ATP10B: variants seen among roughly 807,000 people sequenced by gnomAD.
ATP10B encodes ATPase phospholipid transporting 10B (putative), also known as phospholipid-transporting ATPase VB.
In ATP10B, 122 loss-of-function variants were observed where a neutral mutation model predicts 141.2. That is an observed-to-expected ratio of 0.86 (90% CI 0.75 to 1.00). The LOEUF is 1.00. ATP10B is among the 50% of genes least tolerant of loss of function. The probability of loss-of-function intolerance (pLI) is 0.00; values close to 1 mark genes in which losing one functional copy is unlikely to be tolerated. For synonymous variants in ATP10B, 685 were observed against 692.0 expected (o/e 0.99, Z 0.16); for missense variants, 1,876 against 1,825.3 (o/e 1.03, Z -0.51).
At chr5:160,873,984 GC>G in the ATP10B span, among the ~76,000 whole-genome samples, 2 of 152,242 alleles carry the variant, frequency 1.3e-5, no homozygotes, top group Non-Finnish European at 2.9e-5. Flanking sequence ...GCCCAGGCTT[GC>G]TTAGGTAAAC....
the ATP10B span, among the ~76,000 whole-genome samples, chr5:160,889,469 C>T: frequency 1.3e-5 from 2 of 152,340 alleles, no homozygotes; most frequent in Admixed American, 1.3e-4. Context: ...GATCAGCTGA[C>T]TGTCCTGCTG....
At chr5:160,772,741 CCTA>C (rs1437888835) in intron 2 of ATP10B, among the ~76,000 whole-genome samples, 1 of 152,188 alleles carries the variant, frequency 6.6e-6, no homozygotes, top group Non-Finnish European at 1.5e-5. Flanking sequence ...CTGCCCATTT[CCTA>C]CTGATCCATG....
chr5:160,704,976 TG>T (rs1268822309), intron 3 of ATP10B, among the ~76,000 whole-genome samples: 2 of 136,914 alleles, frequency 1.5e-5, no homozygotes, highest in Non-Finnish European at 3.0e-5. Flanking sequence ...TGGAGTGCAG[TG>T]GCATGATCTC....
At chr5:160,660,268 G>T (rs952527655) in intron 7 of ATP10B, among the ~76,000 whole-genome samples, 1 of 152,128 alleles carries the variant, frequency 6.6e-6, no homozygotes, top group Non-Finnish European at 1.5e-5. Context: ...TGTACTTATT[G>T]TGGTTTCTAT....
the ATP10B span, among the ~76,000 whole-genome samples, chr5:160,858,599 C>CAT: frequency 6.6e-6 from 1 of 151,874 alleles, no homozygotes; most frequent in African/African-American, 2.4e-5. Flanking sequence ...TAATCACTTG[C>CAT]ATATAATGTG....
At chr5:160,814,185 G>A (rs996493645) in intron 1 of ATP10B, among the ~76,000 whole-genome samples, 5 of 152,168 alleles carry the variant, frequency 3.3e-5, no homozygotes, top group South Asian at 2.1e-4. Context: ...AAACTACTCC[G>A]AGCTAAAGGA....
rs1763910785 is a variant in ATP10B, at chr5:160,688,769, G to GA, written c.-31dup. ...TTTTCCAGAAACTCACCTGTGGCCGGAACCTCAAAGGAGAGTGATAAGTAG... is the reference window on the plus strand; with the variant it reads ...TTTTCCAGAAACTCACCTGTGGCCGGAAACCTCAAAGGAGAGTGATAAGTAG... On this transcript the variant is annotated 5_prime_UTR_variant, in exon 4 of 26. Transcript: ENST00000327245. The GA allele has an allele frequency of 2.8e-5, 28 of 985,336 alleles. No homozygotes were observed. Among genetic ancestry groups the GA allele is most frequent in the Non-Finnish European group, 3.3e-5 (27 of 829,956 alleles). The allele number at this position is 985,336 out of a possible 1,614,324, so 61.0% of individuals were successfully genotyped here.
At chr5:160,836,227 A>AC (rs1054424855) in intron 1 of ATP10B, among the ~76,000 whole-genome samples, 15 of 152,120 alleles carry the variant, frequency 9.9e-5, no homozygotes, top group Admixed American at 2.0e-4. Context: ...TTGCACTTGT[A>AC]CCCCTTCAAT....
chr5:160,764,360 A>G (rs1300458230), intron 2 of ATP10B, among the ~76,000 whole-genome samples: 3 of 152,154 alleles, frequency 2.0e-5, no homozygotes, highest in South Asian at 4.1e-4. Context: ...AAGATAATAC[A>G]CTATCATCAA....
chr5:160,607,090 TA>T lies in ATP10B; in HGVS notation c.2839-5del. The T allele has an allele frequency of 6.2e-7, 1 of 1,608,660 alleles. No individual in the cohort carries two copies. ...TGAGGATGGATTCACAGGTCTCCTA[TA>T]AAGAAGCATAATAATACAGTATTTG... On this transcript the variant is annotated splice_region_variant and splice_polypyrimidine_tract_variant and intron_variant, in intron 18 of 25. Transcript: ENST00000327245.
intron 2 of ATP10B, among the ~76,000 whole-genome samples, chr5:160,775,325 A>G (rs527393505): frequency 1.4e-4 from 21 of 152,332 alleles, no homozygotes; most frequent in African/African-American, 4.3e-4. Context: ...GAGTGCAGGA[A>G]GGCAGATTTA....
intron 1 of ATP10B, among the ~76,000 whole-genome samples, chr5:160,800,981 G>T (rs958768589): frequency 1.3e-5 from 2 of 152,092 alleles, no homozygotes; most frequent in Non-Finnish European, 2.9e-5. Flanking sequence ...GCTGGCTCTT[G>T]GTCCCTTTGA....
chr5:160,816,307 T>G (rs1206438709), intron 1 of ATP10B, among the ~76,000 whole-genome samples: 1 of 151,568 alleles, frequency 6.6e-6, no homozygotes, highest in Non-Finnish European at 1.5e-5. Context: ...CAATAAAAAA[T>G]GATAAAGGGG....
rs1756919721 is a variant in ATP10B, at chr5:160,598,970, A to G, written c.3364T>C (p.Cys1122Arg). 6.2e-7 allele frequency: 1 copy of G among 1,613,828 alleles called. No homozygotes were observed. The highest frequency in any genetic ancestry group is 1.7e-5 in the Admixed American group (1 of 60,000). Residue 1122 changes from cysteine (C) to arginine (R), a missense_variant and splice_region_variant, in exon 22 of 26, where the codon TGC (cysteine) becomes CGC (arginine). Transcript: ENST00000327245. Reference protein sequence around the residue: ...MVVYYLYKNVCYVNLLFWYQF... With the variant: ...MVVYYLYKNVRYVNLLFWYQF... ...TACCAGAAGAGCAGGTTGACGTAGC[A>G]CTGCAGGCAGAGAGCATGGCCTTGT...
intron 2 of ATP10B, among the ~76,000 whole-genome samples, chr5:160,738,618 C>T (rs1203621801): frequency 6.6e-6 from 1 of 151,966 alleles, no homozygotes; most frequent in Non-Finnish European, 1.5e-5. Flanking sequence ...CAACTTTATG[C>T]AATAAATTTG....
intron 2 of ATP10B, among the ~76,000 whole-genome samples, chr5:160,773,522 C>T (rs1331120817): frequency 6.6e-6 from 1 of 152,168 alleles, no homozygotes; most frequent in African/African-American, 2.4e-5. Context: ...CCCATTTATT[C>T]AGCTAAATAA....
intron 9 of ATP10B, among the ~76,000 whole-genome samples, chr5:160,642,478 C>T (rs907467062): frequency 4.6e-5 from 7 of 152,084 alleles, no homozygotes; most frequent in African/African-American, 1.4e-4. Context: ...TGATTTTACT[C>T]CCCAGAGGAC....
At chr5:160,753,562 G>C (rs1768309879) in intron 2 of ATP10B, among the ~76,000 whole-genome samples, 1 of 152,100 alleles carries the variant, frequency 6.6e-6, no homozygotes, top group Non-Finnish European at 1.5e-5. Flanking sequence ...AAGAATATTG[G>C]GGTTCCTTGG....
At chr5:160,723,718 C>A (rs1189505684) in intron 2 of ATP10B, among the ~76,000 whole-genome samples, 2 of 152,146 alleles carry the variant, frequency 1.3e-5, no homozygotes, top group Admixed American at 1.3e-4. Context: ...TAATGTATAA[C>A]AGTCTATTTC....
Sources: gnomAD v4.1 joint callset for allele counts (sites outside exome capture counted in the v4.1 genomes callset) on GRCh38, gnomAD v4.1.1 for gene constraint, MANE v1.5 for transcripts, NCBI Gene and HGNC (gene_info 2026-07-23, HGNC 2026-07-21) for gene names.